Variants in RBM47 observed in about 807,000 individuals in gnomAD.
The protein encoded by RBM47 is RNA binding motif protein 47.
A neutral mutation model predicts 47.1 loss-of-function variants in RBM47; 21 were observed. That is an observed-to-expected ratio of 0.45 (90% CI 0.32 to 0.64). The LOEUF is 0.64. Among genes scored for constraint, RBM47 ranks in the 30% least tolerant of loss-of-function variants. RBM47 has a pLI of 0.05. For synonymous variants in RBM47, 375 were observed against 361.7 expected (o/e 1.04, Z -0.42); for missense variants, 708 against 870.9 (o/e 0.81, Z 2.35).
intron 1 of RBM47, among the ~76,000 whole-genome samples, chr4:40,573,807 A>AAAAGAAAAAGAAAGAAAGAAAG (rs1732012250): frequency 7.3e-6 from 1 of 136,662 alleles, no homozygotes; most frequent in African/African-American, 3.0e-5. Context: ...GAAAGAAAGA[A>AAAAGAAAAAGAAAGAAAGAAAG]AAAGAAAGAA....
At chr4:40,575,588 T>A (rs1313246869) in intron 1 of RBM47, among the ~76,000 whole-genome samples, 2 of 145,886 alleles carry the variant, frequency 1.4e-5, no homozygotes, top group African/African-American at 5.1e-5. Flanking sequence ...AATAGCTACC[T>A]ATAAAGAAGT....
At chr4:40,519,659 C>CT (rs35250968) in intron 2 of RBM47, among the ~76,000 whole-genome samples, 3,132 of 96,018 alleles carry the variant, frequency 0.033, 491 homozygotes, top group East Asian at 0.044. Flanking sequence ...CCCTACCCTC[C>CT]TTTTTTTTTT....
intron 1 of RBM47, among the ~76,000 whole-genome samples, chr4:40,569,360 G>A (rs957311500): frequency 1.3e-5 from 2 of 151,650 alleles, no homozygotes; most frequent in Admixed American, 6.6e-5. Flanking sequence ...AGAGTAGAAC[G>A]AGAGCATCAG....
intron 1 of RBM47, among the ~76,000 whole-genome samples, chr4:40,582,897 C>CT (rs1489555588): frequency 1.3e-5 from 2 of 152,224 alleles, no homozygotes; most frequent in Non-Finnish European, 2.9e-5. Context: ...TCTTCCAACT[C>CT]TATCAGAGCA....
In RBM47 at chr4:40,628,031, TACCTAGCCAGGTA is replaced by T. The variant is rs1737898251; in HGVS notation, c.-240+1352_-240+1364del. On this transcript the variant is annotated intron_variant, in intron 1 of 6. Coordinates refer to ENST00000295971, the MANE Select transcript of RBM47 (RefSeq NM_001098634.2). This position sits in a 1 kb window ranked among gnomAD's most constrained non-coding sequence, Gnocchi z 4.0. Reference sequence around the variant, plus strand: ...GATCTAATTAATTTAAAGCATGGCCTACCTAGCCAGGTAAAGGACGGCACAGCTAGGCTTATTT... The same window carrying T: ...GATCTAATTAATTTAAAGCATGGCCTAAGGACGGCACAGCTAGGCTTATTT... 6.6e-6 allele frequency among the ~76,000 whole-genome samples: 1 copy of T among 152,212 alleles called. No individual in the cohort carries two copies.
At chr4:40,568,899 T>C (rs1355325795) in intron 1 of RBM47, among the ~76,000 whole-genome samples, 1 of 151,734 alleles carries the variant, frequency 6.6e-6, no homozygotes, top group Non-Finnish European at 1.5e-5. Flanking sequence ...GAGAATTGCT[T>C]GAAACCGGGA....
chr4:40,618,808 CAAAAAAAAAAAAAAA>C (rs35543412), intron 1 of RBM47, among the ~76,000 whole-genome samples: 10 of 27,594 alleles, frequency 3.6e-4, no homozygotes, highest in African/African-American at 1.3e-3. Flanking sequence ...GACTCCATCT[CAAAAAAAAAAAAAAA>C]AAAAAAAAAA....
At chr4:40,437,602 G>A (rs1487086336) in intron 4 of RBM47, among the ~76,000 whole-genome samples, 169 bp downstream of exon 4, 1 of 152,176 alleles carries the variant, frequency 6.6e-6, no homozygotes, top group Admixed American at 6.5e-5. Context: ...ATAAGTGACG[G>A]CCTTCGGTGC....
intron 2 of RBM47, among the ~76,000 whole-genome samples, chr4:40,523,597 G>A (rs1465072913): frequency 1.3e-5 from 2 of 151,966 alleles, no homozygotes; most frequent in Non-Finnish European, 1.5e-5. Context: ...GTTGCAGTGA[G>A]CTGAGATCAC....
chr4:40,592,007 A>G (rs1734189367), intron 1 of RBM47, among the ~76,000 whole-genome samples: 2 of 152,182 alleles, frequency 1.3e-5, no homozygotes, highest in Admixed American at 1.3e-4. Flanking sequence ...TCACTTCCCA[A>G]AACAATGCTT....
intron 2 of RBM47, among the ~76,000 whole-genome samples, chr4:40,488,826 C>CTTTCTGGGTTA (rs1179728899): frequency 6.6e-6 from 1 of 152,194 alleles, no homozygotes; most frequent in Non-Finnish European, 1.5e-5. Context: ...GTTGTTACCA[C>CTTTCTGGGTTA]CAGTTCTGGG....
chr4:40,454,332 G>A (rs533658472), intron 3 of RBM47, among the ~76,000 whole-genome samples: 21 of 152,176 alleles, frequency 1.4e-4, no homozygotes, highest in Middle Eastern at 3.4e-3. Context: ...CCTCATTATC[G>A]TCACCTGCAA....
At chr4:40,601,221 T>C (rs1735257796) in intron 1 of RBM47, among the ~76,000 whole-genome samples, 1 of 152,180 alleles carries the variant, frequency 6.6e-6, no homozygotes, top group African/African-American at 2.4e-5. Context: ...GCAAGTTGCT[T>C]AGCCTTTCTG....
intron 1 of RBM47, among the ~76,000 whole-genome samples, chr4:40,598,890 G>C (rs1031195219): frequency 2.0e-5 from 3 of 148,684 alleles, no homozygotes; most frequent in African/African-American, 7.4e-5. Flanking sequence ...GGAATCTGTC[G>C]TAATTTATTC....
intron 1 of RBM47, among the ~76,000 whole-genome samples, chr4:40,577,873 C>T (rs1018119652): frequency 5.9e-5 from 9 of 152,138 alleles, no homozygotes; most frequent in African/African-American, 2.2e-4. Context: ...AAGCTAGGAG[C>T]GGTGGTGCGT....
At chr4:40,567,496 T>C (rs1731210608) in intron 1 of RBM47, among the ~76,000 whole-genome samples, 1 of 152,016 alleles carries the variant, frequency 6.6e-6, no homozygotes, top group Non-Finnish European at 1.5e-5. Context: ...AGCCATGACT[T>C]CAAGCCAGTT....
At chr4:40,592,015 C>G (rs1373826109) in intron 1 of RBM47, among the ~76,000 whole-genome samples, 4 of 152,148 alleles carry the variant, frequency 2.6e-5, no homozygotes, top group Non-Finnish European at 5.9e-5. Context: ...CAAAACAATG[C>G]TTTACCCCTC....
chr4:40,496,376 A>C (rs1287566740), intron 2 of RBM47, among the ~76,000 whole-genome samples: 1 of 151,572 alleles, frequency 6.6e-6, no homozygotes, highest in Non-Finnish European at 1.5e-5. Context: ...AGAGAGAAAA[A>C]CCTAGAATCT....
intron 6 of RBM47, 99 bp from the exon 7 acceptor site, chr4:40,426,242 C>T (rs150524584): frequency 1.4e-6 from 2 of 1,474,514 alleles, no homozygotes; most frequent in Middle Eastern, 2.1e-4. Context: ...AATACAAAGA[C>T]ACAAAAGCAA....
Sources: gnomAD v4.1 joint callset for allele counts (sites outside exome capture counted in the v4.1 genomes callset) on GRCh38, gnomAD v4.1.1 for gene constraint, Gnocchi (gnomAD v3.1) non-coding constraint, MANE v1.5 for transcripts, NCBI Gene and HGNC (gene_info 2026-07-23, HGNC 2026-07-21) for gene names.